The following TENM4 variants were observed in gnomAD, a reference collection of about 807,000 sequenced individuals.
TENM4 encodes the protein teneurin-4.
TENM4 carries 82 observed loss-of-function variants against 243.3 expected under a neutral mutation model. The ratio of observed to expected loss-of-function variants is 0.34; its 90% CI spans 0.28 to 0.40. The LOEUF (loss-of-function observed/expected upper bound fraction) is 0.40. Among genes scored for constraint, TENM4 ranks in the 10% least tolerant of loss-of-function variants. The pLI is 1.00. For missense variants in TENM4, 3,138 were observed against 3,673.3 expected (o/e 0.85, Z 3.77); for synonymous variants, 1,412 against 1,456.3 (o/e 0.97, Z 0.69).
chr11:79,188,615 G>T (rs1863419092), intron 3 of TENM4, among the ~76,000 whole-genome samples: 1 of 151,620 alleles, frequency 6.6e-6, no homozygotes, highest in Non-Finnish European at 1.5e-5. Context: ...AAGCAAAGAA[G>T]AAGGAAGGGA....
intron 4 of TENM4, among the ~76,000 whole-genome samples, chr11:79,117,028 T>A (rs1861636725): frequency 6.6e-6 from 1 of 152,204 alleles, no homozygotes; most frequent in Admixed American, 6.5e-5. Flanking sequence ...ACTATCACCA[T>A]CATCATCATC....
intron 14 of TENM4, among the ~76,000 whole-genome samples, chr11:78,807,587 T>C (rs922613447): frequency 8.5e-5 from 13 of 152,192 alleles, no homozygotes; most frequent in African/African-American, 3.1e-4. Flanking sequence ...GGTCGATTCA[T>C]GTTCTTTCTC....
At chr11:78,837,365 C>T (rs183621986) in intron 12 of TENM4, among the ~76,000 whole-genome samples, 11 of 152,272 alleles carry the variant, frequency 7.2e-5, no homozygotes, top group Non-Finnish European at 1.3e-4. Context: ...TTTGAGGCCT[C>T]CCCAGTCATG....
At chr11:78,810,421 A>G (rs1439777192) in intron 14 of TENM4, among the ~76,000 whole-genome samples, 3 of 152,202 alleles carry the variant, frequency 2.0e-5, no homozygotes. Flanking sequence ...GGCCCACACA[A>G]CATGGGTGGG....
chr11:79,181,880 A>G (rs971857279), intron 3 of TENM4, among the ~76,000 whole-genome samples: 1 of 152,046 alleles, frequency 6.6e-6, no homozygotes, highest in East Asian at 1.9e-4. Flanking sequence ...ATACTTAGGT[A>G]TAAACCTGAC....
intron 9 of TENM4, among the ~76,000 whole-genome samples, chr11:78,870,459 G>A (rs1195907263): frequency 6.6e-6 from 1 of 152,146 alleles, no homozygotes; most frequent in African/African-American, 2.4e-5. Flanking sequence ...TCTTTTAAAA[G>A]CATGATTGCT....
chr11:78,720,646 G>A (rs1335035974), intron 24 of TENM4, among the ~76,000 whole-genome samples: 2 of 152,214 alleles, frequency 1.3e-5, no homozygotes, highest in Non-Finnish European at 2.9e-5. Flanking sequence ...TGGGGGAAGA[G>A]GACTAGGTTG....
chr11:79,397,818 C>G (rs748855633), intron 1 of TENM4, among the ~76,000 whole-genome samples: 1 of 152,100 alleles, frequency 6.6e-6, no homozygotes, highest in Non-Finnish European at 1.5e-5. Context: ...CTCCTTTCTT[C>G]TGGGGCTTGT....
At chr11:78,825,977 G>A (rs1422000712) in intron 12 of TENM4, among the ~76,000 whole-genome samples, 1 of 152,090 alleles carries the variant, frequency 6.6e-6, no homozygotes, top group Non-Finnish European at 1.5e-5. Flanking sequence ...CTGAGGAAGT[G>A]GGGTGTGGGG....
intron 6 of TENM4, among the ~76,000 whole-genome samples, chr11:79,064,143 T>C (rs546655045): frequency 7.9e-5 from 12 of 152,184 alleles, no homozygotes; most frequent in African/African-American, 2.4e-4. Context: ...CTGAAATATA[T>C]AATGTATTAT....
intron 18 of TENM4, among the ~76,000 whole-genome samples, chr11:78,764,049 T>C (rs1856489447): frequency 6.7e-6 from 1 of 148,662 alleles, no homozygotes; most frequent in African/African-American, 2.5e-5. Context: ...GTCTGCGTCC[T>C]TATCAGGGAG....
At chr11:79,197,920 G>A (rs1307433435) in intron 3 of TENM4, among the ~76,000 whole-genome samples, 1 of 152,004 alleles carries the variant, frequency 6.6e-6, no homozygotes, top group Non-Finnish European at 1.5e-5. Flanking sequence ...ACACCTGCAG[G>A]CCGTGCAGGC....
intron 2 of TENM4, among the ~76,000 whole-genome samples, chr11:79,287,769 A>G (rs1383198565): frequency 2.0e-5 from 3 of 152,208 alleles, no homozygotes; most frequent in Non-Finnish European, 4.4e-5. Context: ...CATCATGAGG[A>G]TTCTAGATTC....
At chr11:79,291,028 A>G (rs1856347563) in intron 2 of TENM4, among the ~76,000 whole-genome samples, 1 of 152,138 alleles carries the variant, frequency 6.6e-6, no homozygotes, top group Non-Finnish European at 1.5e-5. Context: ...GATGGAAAAG[A>G]CAAACTCCAG....
At chr11:78,850,342 G>C (rs1363963668) in intron 12 of TENM4, among the ~76,000 whole-genome samples, 1 of 152,118 alleles carries the variant, frequency 6.6e-6, no homozygotes, top group South Asian at 2.1e-4. Flanking sequence ...TGACATCTCA[G>C]ATCTTCTTAA....
At chr11:79,318,284 G>A (rs546528480) in intron 1 of TENM4, among the ~76,000 whole-genome samples, 20 of 152,264 alleles carry the variant, frequency 1.3e-4, no homozygotes, top group African/African-American at 4.8e-4. Flanking sequence ...TTACTTACCA[G>A]TGAGAAAGCA....
intron 1 of TENM4, among the ~76,000 whole-genome samples, chr11:79,344,159 T>C (rs185297239): frequency 2.0e-4 from 31 of 152,158 alleles, no homozygotes; most frequent in African/African-American, 7.2e-4. Flanking sequence ...TAAATATTTG[T>C]TGAATAAATG....
At chr11:79,437,796 G>A (rs955284894) in intron 1 of TENM4, among the ~76,000 whole-genome samples, 3 of 152,218 alleles carry the variant, frequency 2.0e-5, no homozygotes, top group African/African-American at 7.2e-5. Flanking sequence ...CCTGCCCGGG[G>A]AGCTAACCCA....
intron 26 of TENM4, 149 bp from the exon 27 acceptor site, chr11:78,708,664 A>G: frequency 1.0e-6 from 1 of 968,382 alleles, no homozygotes; most frequent in Non-Finnish European, 1.5e-6. Context: ...AAAGAGGAGG[A>G]GTCTCAGGCT....
Sources: allele counts gnomAD v4.1 joint callset (sites outside exome capture counted in the v4.1 genomes callset), GRCh38; gene constraint gnomAD v4.1.1; transcripts MANE v1.5; gene names NCBI Gene and HGNC (gene_info 2026-07-23, HGNC 2026-07-21).